ERICH1: variants seen among roughly 807,000 people sequenced by gnomAD.
The protein encoded by ERICH1 is glutamate-rich protein 1.
In ERICH1, 56 loss-of-function variants were observed where a neutral mutation model predicts 39.6. The ratio of observed to expected loss-of-function variants is 1.41; its 90% CI spans 1.14 to 1.77. The LOEUF (loss-of-function observed/expected upper bound fraction) is 1.77. Ranked by LOEUF, ERICH1 falls within the 40% of genes most tolerant of loss-of-function variation. ERICH1 has a pLI of 0.00. For missense variants in ERICH1, 826 were observed against 575.4 expected (o/e 1.44, Z -4.45); for synonymous variants, 313 against 223.6 (o/e 1.40, Z -3.57).
At chr8:650,411 T>C (rs997428764) in intron 3 of ERICH1, among the ~76,000 whole-genome samples, 1 of 152,230 alleles carries the variant, frequency 6.6e-6, no homozygotes, top group African/African-American at 2.4e-5. Flanking sequence ...TGCCACCCAC[T>C]GAAAGGGCAG....
intron 1 of ERICH1, among the ~76,000 whole-genome samples, chr8:724,280 AG>A (rs1438096868): frequency 1.3e-5 from 2 of 152,208 alleles, no homozygotes. Context: ...CTGGAGAACC[AG>A]CCCGGACAAC....
At position 673,452 on chromosome 8, in the gene ERICH1, GTCCGCACCGTCC is replaced by G. The variant is rs767559199; in HGVS notation, c.888_899del (p.Glu296_Ala299del). Reference sequence around the variant, plus strand: ...CCCATGTCGGGTCTTCCTCGCTGGCGTCCGCACCGTCCTCCTCCCTGGTGTCTTTACCGTCTT... The same window carrying G: ...CCCATGTCGGGTCTTCCTCGCTGGCGTCCTCCCTGGTGTCTTTACCGTCTT... On this transcript the variant is annotated inframe_deletion, in exon 4 of 6. Transcript: ENST00000262109. 6.2e-7 allele frequency: 1 copy of G among 1,613,662 alleles called. No homozygotes were observed.
intron 3 of ERICH1, among the ~76,000 whole-genome samples, chr8:652,130 G>T (rs1800038433): frequency 6.6e-6 from 1 of 152,288 alleles, no homozygotes; most frequent in South Asian, 2.1e-4. Context: ...ACAAGCGATT[G>T]CCCTGGTGCT....
chr8:696,197 C>A (rs1280512799), intron 2 of ERICH1, among the ~76,000 whole-genome samples: 4 of 38,446 alleles, frequency 1.0e-4, no homozygotes, highest in African/African-American at 1.7e-4. Context: ...CCACTCCTCT[C>A]CTTCCTCCCC....
chr8:682,121 A>C (rs1053095975), intron 3 of ERICH1, among the ~76,000 whole-genome samples: 2 of 150,290 alleles, frequency 1.3e-5, no homozygotes, highest in Non-Finnish European at 3.0e-5. Flanking sequence ...GTAAAACCCC[A>C]TTGTGGTGGT....
chr8:623,161 A>G (rs1163329207), intron 3 of ERICH1, among the ~76,000 whole-genome samples: 2 of 152,194 alleles, frequency 1.3e-5, no homozygotes, highest in Non-Finnish European at 2.9e-5. Flanking sequence ...CACAAACACT[A>G]GCAAACAACT....
At chr8:618,302 C>G (rs530982471) in intron 3 of ERICH1, among the ~76,000 whole-genome samples, 5 of 152,060 alleles carry the variant, frequency 3.3e-5, no homozygotes, top group Admixed American at 6.5e-5. Flanking sequence ...TCACCACCCT[C>G]TGAGTGCTCA....
At chr8:696,272 C>T (rs1404814549) in intron 2 of ERICH1, among the ~76,000 whole-genome samples, 30 of 72,174 alleles carry the variant, frequency 4.2e-4, no homozygotes, top group Non-Finnish European at 4.6e-4. Flanking sequence ...CATCAGCCTG[C>T]GCTCGCTCCT....
At chr8:713,951 C>T (rs1375362393) in intron 2 of ERICH1, among the ~76,000 whole-genome samples, 1 of 144,380 alleles carries the variant, frequency 6.9e-6, no homozygotes, top group East Asian at 2.0e-4. Context: ...TGTGCTGCAC[C>T]CAGGCGGCCT....
intron 1 of ERICH1, among the ~76,000 whole-genome samples, chr8:718,072 T>C (rs1347417281): frequency 1.3e-5 from 2 of 151,764 alleles, no homozygotes; most frequent in Non-Finnish European, 2.9e-5. Context: ...CAGAGCGCAC[T>C]GAGAAACCGC....
chr8:638,564 G>A (rs945491521), intron 3 of ERICH1, among the ~76,000 whole-genome samples: 10 of 152,170 alleles, frequency 6.6e-5, no homozygotes, highest in African/African-American at 1.7e-4. Context: ...AGCTGTGATC[G>A]TGTACGAGGG....
At chr8:632,730 A>G (rs1260388733) in intron 3 of ERICH1, among the ~76,000 whole-genome samples, 1 of 152,240 alleles carries the variant, frequency 6.6e-6, no homozygotes, top group Non-Finnish European at 1.5e-5. Context: ...AAACTCAGAC[A>G]GGTGAAATGG....
chr8:668,751 C>A lies in ERICH1; in HGVS notation c.1105G>T (p.Ala369Ser), dbSNP rs139649568. 1 of 1,612,844 alleles carries A rather than the reference C, an allele frequency of 6.2e-7. No individual in the cohort carries two copies. The highest frequency in any genetic ancestry group is 8.5e-7 in the Non-Finnish European group (1 of 1,179,224). Residue 369 changes from alanine (A) to serine (S), a missense_variant, in exon 5 of 6, where the codon GCT (alanine) becomes TCT (serine). Physicochemically the swap from Ala to Ser is moderately conservative, Grantham distance 99. Coordinates refer to ENST00000262109, the MANE Select transcript of ERICH1 (RefSeq NM_207332.3). ...DAASAALADA[A>S]EELLDRLASH... ...GCAAGGCGGTCCAGCAGCTCCTCAG[C>A]GGCATCTGCGAGGGCAGCTGAAGCT...
intron 3 of ERICH1, among the ~76,000 whole-genome samples, chr8:651,831 C>A (rs188200810): frequency 6.6e-6 from 1 of 152,052 alleles, no homozygotes; most frequent in African/African-American, 2.4e-5. Flanking sequence ...ACTCGGAAAT[C>A]GGTGAGGAAA....
At chr8:689,622 T>C (rs1808442423) in intron 3 of ERICH1, among the ~76,000 whole-genome samples, 1 of 152,114 alleles carries the variant, frequency 6.6e-6, no homozygotes, top group Non-Finnish European at 1.5e-5. Flanking sequence ...AAGAGGCATG[T>C]TGGGGGCACT....
intron 3 of ERICH1, among the ~76,000 whole-genome samples, chr8:641,589 T>C (rs900593555): frequency 6.6e-6 from 1 of 152,228 alleles, no homozygotes; most frequent in African/African-American, 2.4e-5. Flanking sequence ...ATTATTCAAA[T>C]TATAGCTTAA....
chr8:688,806 C>T (rs1238948720), intron 3 of ERICH1, among the ~76,000 whole-genome samples: 1 of 152,140 alleles, frequency 6.6e-6, no homozygotes, highest in Non-Finnish European at 1.5e-5. Flanking sequence ...AAAAGGGTAT[C>T]GATGGGAAAT....
chr8:700,181 GCC>G (rs1563297801), intron 2 of ERICH1, among the ~76,000 whole-genome samples: 19 of 97,006 alleles, frequency 2.0e-4, no homozygotes, highest in Non-Finnish European at 3.1e-4. Flanking sequence ...GCCCGCACAG[GCC>G]CGCACACGCG....
intron 1 of ERICH1, among the ~76,000 whole-genome samples, chr8:721,866 G>T (rs528938828): frequency 1.3e-5 from 2 of 152,212 alleles, no homozygotes; most frequent in Non-Finnish European, 2.9e-5. Context: ...CTAAGTGTGT[G>T]TACGCTTATG....
Sources: gnomAD v4.1 joint callset for allele counts (sites outside exome capture counted in the v4.1 genomes callset) on GRCh38, gnomAD v4.1.1 for gene constraint, MANE v1.5 for transcripts, NCBI Gene and HGNC (gene_info 2026-07-23, HGNC 2026-07-21) for gene names.